The following GUCY1A2 variants were observed in gnomAD, a reference collection of about 807,000 sequenced individuals.
GUCY1A2 encodes the protein guanylate cyclase soluble subunit alpha-2.
Under a neutral mutation model 63.5 loss-of-function variants are expected in GUCY1A2, and 27 were observed. That is an observed-to-expected ratio of 0.43 (90% CI 0.31 to 0.59). GUCY1A2 has a LOEUF of 0.59. Among genes scored for constraint, GUCY1A2 ranks in the 20% least tolerant of loss-of-function variants. The pLI, the probability that GUCY1A2 is intolerant of heterozygous loss-of-function variation, is 0.11. For missense variants in GUCY1A2, 768 were observed against 913.3 expected (o/e 0.84, Z 2.05); for synonymous variants, 364 against 343.5 (o/e 1.06, Z -0.66).
At chr11:107,000,704 A>G (rs1005890373) in intron 1 of GUCY1A2, among the ~76,000 whole-genome samples, 1 of 152,200 alleles carries the variant, frequency 6.6e-6, no homozygotes, top group Non-Finnish European at 1.5e-5. Context: ...ATATCCTATT[A>G]AAATAAATTT....
intron 5 of GUCY1A2, among the ~76,000 whole-genome samples, chr11:106,803,862 T>G (rs1052903475): frequency 1.4e-4 from 21 of 152,186 alleles, no homozygotes; most frequent in African/African-American, 4.6e-4. Flanking sequence ...TGCCTCTTCC[T>G]TATCTCCAAC....
intron 5 of GUCY1A2, among the ~76,000 whole-genome samples, chr11:106,795,146 C>A (rs1385260226): frequency 6.6e-6 from 1 of 152,160 alleles, no homozygotes; most frequent in Admixed American, 6.6e-5. Context: ...AGATAAGTTA[C>A]GTGACTTACT....
chr11:106,914,945 T>C (rs915066943), intron 4 of GUCY1A2, among the ~76,000 whole-genome samples: 1 of 151,876 alleles, frequency 6.6e-6, no homozygotes, highest in African/African-American at 2.4e-5. Flanking sequence ...AAGAACAGAG[T>C]GGGCTGAAAC....
chr11:106,884,042 G>A (rs1310670826), intron 4 of GUCY1A2, among the ~76,000 whole-genome samples: 3 of 152,214 alleles, frequency 2.0e-5, no homozygotes, highest in East Asian at 1.9e-4. Flanking sequence ...CCTGTCATGG[G>A]GAAGGGGGAG....
At chr11:106,688,373 ACT>A (rs1158590212) in intron 7 of GUCY1A2, among the ~76,000 whole-genome samples, 1 of 151,978 alleles carries the variant, frequency 6.6e-6, no homozygotes. Context: ...ACACATAAAG[ACT>A]CTTTTTCAAA....
At chr11:106,751,531 G>A (rs1161529272) in intron 6 of GUCY1A2, among the ~76,000 whole-genome samples, 2 of 150,798 alleles carry the variant, frequency 1.3e-5, no homozygotes, top group Non-Finnish European at 3.0e-5. Flanking sequence ...GAGTAGTACT[G>A]ATGTGAATAG....
chr11:106,749,480 T>C (rs1050348504), intron 6 of GUCY1A2, among the ~76,000 whole-genome samples: 5 of 152,082 alleles, frequency 3.3e-5, no homozygotes, highest in Non-Finnish European at 7.4e-5. Context: ...CAGCCATAGC[T>C]ACTGGACTGT....
In GUCY1A2 at chr11:106,930,138, A is replaced by T. The variant is rs930866192; in HGVS notation, c.1206+9322T>A. ...AAATATGTCTTCAGTGATAAAACTG[A>T]AACAAGTAGTAAACATATTTGTGGA... On this transcript the variant is annotated intron_variant, in intron 4 of 7. Transcript: ENST00000526355. Among the ~76,000 whole-genome samples, 12 of 152,258 alleles carry T rather than the reference A, an allele frequency of 7.9e-5. 1 individual carries two copies. The highest frequency in any genetic ancestry group is 3.3e-4 in the Admixed American group (5 of 15,280).
intron 5 of GUCY1A2, among the ~76,000 whole-genome samples, chr11:106,781,794 C>T (rs1335249953): frequency 6.6e-6 from 1 of 151,768 alleles, no homozygotes; most frequent in Non-Finnish European, 1.5e-5. Flanking sequence ...TCTCGAACTC[C>T]TGGGCTCAAG....
chr11:106,765,081 T>A (rs1864139562), intron 6 of GUCY1A2, among the ~76,000 whole-genome samples: 1 of 152,112 alleles, frequency 6.6e-6, no homozygotes, highest in South Asian at 2.1e-4. Context: ...TACATATTTT[T>A]AACCCCAATG....
In GUCY1A2 at chr11:106,949,719, C is replaced by CA. The variant is rs377206204; in HGVS notation, c.488-9542dup. ...AAAAAGGAAATGTCAACTAGGCCAC[C>CA]AAAAAAGAGTAGATAGATAGGGGAG... On this transcript the variant is annotated intron_variant, in intron 3 of 7. Coordinates refer to ENST00000526355, the MANE Select transcript of GUCY1A2 (RefSeq NM_000855.3). Among the ~76,000 whole-genome samples the CA allele has an allele frequency of 1.6e-4, 24 of 152,000 alleles. No individual in the cohort carries two copies. The East Asian group carries it at 4.1e-3, about 26-fold the overall frequency.
intron 4 of GUCY1A2, among the ~76,000 whole-genome samples, chr11:106,888,373 G>C (rs1220982200): frequency 4.6e-5 from 7 of 151,924 alleles, no homozygotes; most frequent in Non-Finnish European, 8.8e-5. Context: ...GCTGAGGCAA[G>C]AGAATGGCGT....
intron 4 of GUCY1A2, among the ~76,000 whole-genome samples, chr11:106,892,175 AATT>A: frequency 6.6e-6 from 1 of 152,040 alleles, no homozygotes; most frequent in Non-Finnish European, 1.5e-5. Context: ...GGCATTTTAA[AATT>A]ATTTATTAAA....
At position 106,975,967 on chromosome 11, in the gene GUCY1A2, G is replaced by T. The variant is rs138423929; in HGVS notation, c.487+2652C>A. Reference sequence around the variant, plus strand: ...AATGACCAAACTTTCTAGAGGAGTTGTTTATACTAAGTAGGTAGAAATGCT... The same window carrying T: ...AATGACCAAACTTTCTAGAGGAGTTTTTTATACTAAGTAGGTAGAAATGCT... On this transcript the variant is annotated intron_variant, in intron 3 of 7. Coordinates refer to ENST00000526355, the MANE Select transcript of GUCY1A2 (RefSeq NM_000855.3). 1.9e-4 allele frequency among the ~76,000 whole-genome samples: 29 copies of T among 152,272 alleles called. No individual in the cohort carries two copies. The East Asian group carries it at 5.4e-3, about 28-fold the overall frequency.
chr11:107,016,332 G>C (rs1009363265), intron 1 of GUCY1A2, among the ~76,000 whole-genome samples: 6 of 152,248 alleles, frequency 3.9e-5, no homozygotes, highest in Non-Finnish European at 7.3e-5. Context: ...AAAGATGGGT[G>C]GAGGTTTGAC....
intron 2 of GUCY1A2, among the ~76,000 whole-genome samples, chr11:106,980,771 G>A (rs1215861491): frequency 6.6e-6 from 1 of 152,174 alleles, no homozygotes; most frequent in Admixed American, 6.5e-5. Context: ...ACCTCATTGA[G>A]ATCAGACTCC....
rs1306158108 is a variant in GUCY1A2 at position 106,936,704 on chromosome 11, A to G, written c.1206+2756T>C. On this transcript the variant is annotated intron_variant, in intron 4 of 7. Coordinates refer to ENST00000526355, the MANE Select transcript of GUCY1A2 (RefSeq NM_000855.3). Reference sequence around the variant, plus strand: ...ACTGCGTCAGATGCCCCTCGGTGACATGCTTGCTCTTGATTTTTTTTTTTT... The same window carrying G: ...ACTGCGTCAGATGCCCCTCGGTGACGTGCTTGCTCTTGATTTTTTTTTTTT... 3 of 1,503,864 alleles carry G rather than the reference A, an allele frequency of 2.0e-6. No homozygotes were observed. The African/African-American group carries it at 4.5e-5, about 23-fold the overall frequency. 93.2% of individuals were successfully genotyped at this position (1,503,864 alleles called of 1,614,324 possible).
chr11:106,929,847 TA>T lies in GUCY1A2; in HGVS notation c.1206+9612del, dbSNP rs762798580. Among the ~76,000 whole-genome samples, 1,038 of 152,330 alleles carry T rather than the reference TA, an allele frequency of 6.8e-3. 5 individuals carry two copies. The highest frequency in any genetic ancestry group is 0.012 in the Non-Finnish European group (793 of 68,006). On this transcript the variant is annotated intron_variant, in intron 4 of 7. Coordinates refer to ENST00000526355, the MANE Select transcript of GUCY1A2 (RefSeq NM_000855.3). ...TGCCTTCTGAAACAAAAACTTTATC[TA>T]ATTTTTATATGATAACTATTTAAAT... is the stretch of plus-strand genomic sequence containing the variant.
chr11:106,826,487 T>G lies in GUCY1A2; in HGVS notation c.1207-16009A>C. 1.9e-6 allele frequency: 3 copies of G among 1,601,656 alleles called. No individual in the cohort carries two copies. The South Asian group carries it at 3.3e-5, about 18-fold the overall frequency. ...TGGTTTAAGATTAGGTTTTCAAATG[T>G]TTCTTCTAAATCAGTTTCACCAATT... On this transcript the variant is annotated intron_variant, in intron 4 of 7. Transcript: ENST00000526355.
Sources: gnomAD v4.1 joint callset for allele counts (sites outside exome capture counted in the v4.1 genomes callset) on GRCh38, gnomAD v4.1.1 for gene constraint, MANE v1.5 for transcripts, NCBI Gene and HGNC (gene_info 2026-07-23, HGNC 2026-07-21) for gene names.